POU6F2: variants seen among roughly 807,000 people sequenced by gnomAD.
POU6F2 encodes POU domain, class 6, transcription factor 2.
POU6F2 carries 31 observed loss-of-function variants against 71.3 expected under a neutral mutation model. That is an observed-to-expected ratio of 0.43 (90% CI 0.33 to 0.59). POU6F2 has a LOEUF of 0.59. Ranked by LOEUF, POU6F2 falls within the 20% of genes least tolerant of loss-of-function variation. POU6F2 has a pLI of 0.04. For missense variants in POU6F2, 783 were observed against 856.8 expected (o/e 0.91, Z 1.07); for synonymous variants, 347 against 355.7 (o/e 0.98, Z 0.27).
intron 7 of POU6F2, among the ~76,000 whole-genome samples, chr7:39,450,000 G>A (rs1013392914): frequency 7.2e-5 from 11 of 152,200 alleles, no homozygotes; most frequent in African/African-American, 2.7e-4. Context: ...GTGGAATGAT[G>A]AGAAGGTTCT....
chr7:39,423,397 C>CTA (rs74576190), intron 6 of POU6F2, among the ~76,000 whole-genome samples: 2,974 of 152,254 alleles, frequency 0.02, 71 homozygotes, highest in East Asian at 0.062. Context: ...TCCTGGTCTT[C>CTA]TATAGTGGGA....
chr7:39,221,576 C>T (rs561018551), intron 4 of POU6F2, among the ~76,000 whole-genome samples: 55 of 151,496 alleles, frequency 3.6e-4, no homozygotes, highest in African/African-American at 1.3e-3. Flanking sequence ...TAGTAGAGAC[C>T]GGGGTTTCAC....
At chr7:39,195,476 TG>T (rs1793768519) in intron 2 of POU6F2, among the ~76,000 whole-genome samples, 1 of 152,210 alleles carries the variant, frequency 6.6e-6, no homozygotes, top group African/African-American at 2.4e-5. Flanking sequence ...GGAAGGCATC[TG>T]GGGTCTTGGA....
intron 4 of POU6F2, among the ~76,000 whole-genome samples, chr7:39,336,201 G>A (rs1391187804): frequency 1.3e-5 from 2 of 152,166 alleles, no homozygotes; most frequent in Non-Finnish European, 2.9e-5. Flanking sequence ...GTATGATTCA[G>A]TGACATTAAG....
intron 2 of POU6F2, among the ~76,000 whole-genome samples, chr7:39,139,911 A>AT (rs1417772644): frequency 3.3e-5 from 5 of 152,304 alleles, no homozygotes; most frequent in Non-Finnish European, 4.4e-5. Context: ...TAGCTAGATG[A>AT]TTTGGACTAG....
chr7:39,458,803 A>G (rs1788869596), intron 8 of POU6F2, among the ~76,000 whole-genome samples: 1 of 151,944 alleles, frequency 6.6e-6, no homozygotes. Flanking sequence ...GCTTCACCCT[A>G]CCAACCTGAC....
chr7:39,272,763 A>G (rs1185884912), intron 4 of POU6F2, among the ~76,000 whole-genome samples: 5 of 152,178 alleles, frequency 3.3e-5, no homozygotes, highest in African/African-American at 1.2e-4. Flanking sequence ...AAGGATAATA[A>G]AGGTGATTTA....
At chr7:39,410,903 T>C (rs2115913986) in intron 6 of POU6F2, among the ~76,000 whole-genome samples, 1 of 152,354 alleles carries the variant, frequency 6.6e-6, no homozygotes, top group Non-Finnish European at 1.5e-5. Flanking sequence ...GCTGTGAGAC[T>C]GGGCAGTTTC....
At chr7:39,379,398 A>G (rs1786779366) in intron 5 of POU6F2, among the ~76,000 whole-genome samples, 1 of 152,236 alleles carries the variant, frequency 6.6e-6, no homozygotes, top group Non-Finnish European at 1.5e-5. Flanking sequence ...TTGAAAGTCC[A>G]TGTACTCAGC....
intron 1 of POU6F2, among the ~76,000 whole-genome samples, chr7:39,043,590 A>G (rs1454473371): frequency 6.6e-6 from 1 of 152,012 alleles, no homozygotes; most frequent in Non-Finnish European, 1.5e-5. Flanking sequence ...TCTGGCTTAT[A>G]TAAGGTGTCA....
chr7:39,425,390 C>T (rs1362279875), intron 6 of POU6F2, among the ~76,000 whole-genome samples: 2 of 152,126 alleles, frequency 1.3e-5, no homozygotes, highest in Non-Finnish European at 2.9e-5. Context: ...ATGGGAATAA[C>T]CTTGCTAACC....
At chr7:39,050,790 G>C (rs1255468812) in intron 1 of POU6F2, among the ~76,000 whole-genome samples, 1 of 152,146 alleles carries the variant, frequency 6.6e-6, no homozygotes, top group Non-Finnish European at 1.5e-5. Flanking sequence ...TGGGGGACAA[G>C]AAGGGGAGCA....
At chr7:39,401,361 A>G (rs1165281704) in intron 5 of POU6F2, among the ~76,000 whole-genome samples, 1 of 152,158 alleles carries the variant, frequency 6.6e-6, no homozygotes, top group Non-Finnish European at 1.5e-5. Flanking sequence ...CAATACTGGA[A>G]CTCACAAAAC....
intron 4 of POU6F2, among the ~76,000 whole-genome samples, chr7:39,312,687 A>C (rs1460050092): frequency 6.6e-6 from 1 of 152,150 alleles, no homozygotes. Flanking sequence ...CAGCATCACT[A>C]CTCTTGCACT....
intron 2 of POU6F2, among the ~76,000 whole-genome samples, chr7:39,172,590 G>T (rs4723828): frequency 0.28 from 37,018 of 130,340 alleles, 5,205 homozygotes; most frequent in East Asian, 0.64. Context: ...GAAATTATCA[G>T]AATTATCAGA....
At chr7:39,151,950 C>T (rs746789549) in intron 2 of POU6F2, among the ~76,000 whole-genome samples, 6 of 152,116 alleles carry the variant, frequency 3.9e-5, no homozygotes, top group Non-Finnish European at 7.4e-5. Context: ...GTAAGATTAT[C>T]AGGATGAGAG....
rs182662800 is a variant in POU6F2, at chr7:39,416,609, T to C, written c.1113+9869T>C. Reference sequence around the variant, plus strand: ...AAACCCTTCCAAAGAAAAAGAGAAATATCGAATGCTGTATTTTGAGTCTTC... The same window carrying C: ...AAACCCTTCCAAAGAAAAAGAGAAACATCGAATGCTGTATTTTGAGTCTTC... On this transcript the variant is annotated intron_variant, in intron 6 of 9. Coordinates refer to ENST00000518318, the MANE Select transcript of POU6F2 (RefSeq NM_001370959.1). 3.9e-5 allele frequency among the ~76,000 whole-genome samples: 6 copies of C among 152,226 alleles called. No individual in the cohort carries two copies. The East Asian group carries it at 9.6e-4, about 24-fold the overall frequency.
At chr7:39,327,045 T>C (rs565928551) in intron 4 of POU6F2, among the ~76,000 whole-genome samples, 2 of 152,172 alleles carry the variant, frequency 1.3e-5, no homozygotes, top group Non-Finnish European at 2.9e-5. Flanking sequence ...TTTAGGAGGC[T>C]GAGGTGGGCG....
intron 1 of POU6F2, among the ~76,000 whole-genome samples, chr7:39,085,285 T>C (rs1584534811): frequency 6.6e-6 from 1 of 152,294 alleles, no homozygotes; most frequent in East Asian, 1.9e-4. Context: ...TTATAGAATT[T>C]ACATAAGAAA....
Sources: allele counts gnomAD v4.1 joint callset (sites outside exome capture counted in the v4.1 genomes callset), GRCh38; gene constraint gnomAD v4.1.1; transcripts MANE v1.5; gene names NCBI Gene and HGNC (gene_info 2026-07-23, HGNC 2026-07-21).